Variants in SLC39A11 observed in about 807,000 individuals in gnomAD.
The protein encoded by SLC39A11 is zinc transporter ZIP11.
In SLC39A11, 33 loss-of-function variants were observed where a neutral mutation model predicts 36.1. The observed-to-expected ratio is 0.91, with a 90% CI of 0.69 to 1.22. The LOEUF (loss-of-function observed/expected upper bound fraction) is 1.22. SLC39A11 is among the 50% of genes most tolerant of loss of function. SLC39A11 has a pLI of 0.00. For missense variants in SLC39A11, 432 were observed against 430.3 expected (o/e 1.00, Z -0.03); for synonymous variants, 166 against 170.3 (o/e 0.97, Z 0.20).
intron 6 of SLC39A11, among the ~76,000 whole-genome samples, chr17:72,832,316 C>A (rs1199441474): frequency 6.6e-6 from 1 of 152,144 alleles, no homozygotes; most frequent in Non-Finnish European, 1.5e-5. Context: ...TCGTCACGAG[C>A]CCCCTAGGGG....
At chr17:73,047,182 G>A (rs1164174978) in intron 3 of SLC39A11, among the ~76,000 whole-genome samples, 2 of 151,836 alleles carry the variant, frequency 1.3e-5, no homozygotes, top group Non-Finnish European at 2.9e-5. Context: ...CCGCCACCAC[G>A]CCCGGCTAAT....
intron 5 of SLC39A11, among the ~76,000 whole-genome samples, chr17:72,921,936 C>A (rs926483288): frequency 1.3e-5 from 2 of 152,210 alleles, no homozygotes; most frequent in Non-Finnish European, 2.9e-5. Flanking sequence ...ATGTCAAGCT[C>A]TGTTGCTAGT....
intron 4 of SLC39A11, among the ~76,000 whole-genome samples, chr17:72,997,102 C>A (rs930110784): frequency 1.3e-5 from 2 of 152,018 alleles, no homozygotes; most frequent in Admixed American, 6.6e-5. Context: ...TTGGTCCAGC[C>A]AATTCACAGA....
At chr17:72,921,287 G>A (rs899004024) in intron 5 of SLC39A11, among the ~76,000 whole-genome samples, 17 of 152,168 alleles carry the variant, frequency 1.1e-4, no homozygotes, top group African/African-American at 3.9e-4. Flanking sequence ...GTGTGACACC[G>A]AAGGCGAGAG....
At chr17:72,703,385 C>T (rs537120017) in intron 7 of SLC39A11, among the ~76,000 whole-genome samples, 29 of 152,010 alleles carry the variant, frequency 1.9e-4, no homozygotes, top group African/African-American at 6.3e-4. Flanking sequence ...ATAGCAGTTC[C>T]GTGTGGGGAG....
intron 5 of SLC39A11, among the ~76,000 whole-genome samples, chr17:72,925,803 A>G (rs1444700708): frequency 1.3e-5 from 2 of 152,252 alleles, no homozygotes; most frequent in Non-Finnish European, 2.9e-5. Context: ...ATGACATTGC[A>G]CATGGCCACA....
intron 6 of SLC39A11, among the ~76,000 whole-genome samples, chr17:72,820,663 G>A (rs1353315462): frequency 6.6e-6 from 1 of 151,378 alleles, no homozygotes; most frequent in Non-Finnish European, 1.5e-5. Flanking sequence ...GAGTGCTGGG[G>A]ACACAAGGAA....
intron 7 of SLC39A11, among the ~76,000 whole-genome samples, chr17:72,715,441 C>T (rs753622008): frequency 3.9e-5 from 6 of 152,114 alleles, no homozygotes; most frequent in Non-Finnish European, 8.8e-5. Flanking sequence ...ATGATGCATC[C>T]GTGCAACCTA....
At chr17:72,654,782 G>A (rs2070028066) in intron 7 of SLC39A11, among the ~76,000 whole-genome samples, 1 of 152,222 alleles carries the variant, frequency 6.6e-6, no homozygotes. Flanking sequence ...CATATTCACA[G>A]GCAGGCACAC....
intron 4 of SLC39A11, among the ~76,000 whole-genome samples, chr17:73,025,893 C>T (rs1221474987): frequency 1.3e-5 from 2 of 151,876 alleles, no homozygotes; most frequent in Non-Finnish European, 2.9e-5. Flanking sequence ...GGCAGGCATC[C>T]GCCTGCCTGA....
chr17:73,008,206 G>A (rs533466128), intron 4 of SLC39A11, among the ~76,000 whole-genome samples: 2 of 141,874 alleles, frequency 1.4e-5, no homozygotes, highest in African/African-American at 2.5e-5. Flanking sequence ...AATGGTCCAG[G>A]CTAGCCTCAA....
intron 3 of SLC39A11, among the ~76,000 whole-genome samples, chr17:73,059,964 C>A (rs768328887): frequency 5.7e-4 from 86 of 151,956 alleles, no homozygotes; most frequent in Non-Finnish European, 9.9e-4. Context: ...AATCCCAGCA[C>A]TTTGGGAGGC....
chr17:73,077,401 T>C (rs769711145), intron 3 of SLC39A11, among the ~76,000 whole-genome samples: 20 of 152,366 alleles, frequency 1.3e-4, no homozygotes, highest in Non-Finnish European at 2.2e-4. Flanking sequence ...CACTGCAGCC[T>C]CTGCCTCCCA....
intron 6 of SLC39A11, among the ~76,000 whole-genome samples, chr17:72,823,400 T>C (rs1412989216): frequency 6.6e-6 from 1 of 151,190 alleles, no homozygotes; most frequent in Non-Finnish European, 1.5e-5. Context: ...ATTGGTTCCG[T>C]GCATCAATCT....
At chr17:72,733,697 A>G (rs1034895100) in intron 7 of SLC39A11, among the ~76,000 whole-genome samples, 2 of 152,118 alleles carry the variant, frequency 1.3e-5, no homozygotes, top group African/African-American at 4.8e-5. Flanking sequence ...TACTTTCATC[A>G]TCTTACAGTG....
chr17:73,054,807 CAAA>C (rs5821939), intron 3 of SLC39A11, among the ~76,000 whole-genome samples: 8 of 113,192 alleles, frequency 7.1e-5, no homozygotes, highest in Admixed American at 9.5e-5. Context: ...GATTCCGTCT[CAAA>C]AAAAAAAAAA....
chr17:72,756,825 A>G (rs185756959), intron 6 of SLC39A11, among the ~76,000 whole-genome samples: 180 of 151,950 alleles, frequency 1.2e-3, no homozygotes, highest in Non-Finnish European at 1.9e-3. Flanking sequence ...ATTTGGGGAG[A>G]AAAAAAACTA....
chr17:72,921,318 C>G (rs1044901881), intron 5 of SLC39A11, among the ~76,000 whole-genome samples: 1 of 152,062 alleles, frequency 6.6e-6, no homozygotes, highest in East Asian at 1.9e-4. Flanking sequence ...GGGGGATCAA[C>G]TGGTGATACT....
intron 6 of SLC39A11, among the ~76,000 whole-genome samples, chr17:72,843,568 A>G (rs115162836): frequency 0.011 from 1,735 of 152,278 alleles, 28 homozygotes; most frequent in African/African-American, 0.039. Flanking sequence ...ACGAGAAGAC[A>G]GTCACCTGCA....
Sources: allele counts gnomAD v4.1 joint callset (sites outside exome capture counted in the v4.1 genomes callset), GRCh38; gene constraint gnomAD v4.1.1; transcripts MANE v1.5; gene names NCBI Gene and HGNC (gene_info 2026-07-23, HGNC 2026-07-21).